Variants in FRAS1 observed in about 807,000 individuals in gnomAD.
FRAS1 encodes Fraser extracellular matrix complex subunit 1, also known as extracellular matrix organizing protein FRAS1.
Under a neutral mutation model 435.2 loss-of-function variants are expected in FRAS1, and 290 were observed. The ratio of observed to expected loss-of-function variants is 0.67; its 90% confidence interval spans 0.61 to 0.73. The LOEUF is 0.73. Among genes scored for constraint, FRAS1 ranks in the 30% least tolerant of loss-of-function variants. The pLI, the probability that FRAS1 is intolerant of heterozygous loss-of-function variation, is 0.00. For synonymous variants in FRAS1, 1,800 were observed against 1,851.0 expected (o/e 0.97, Z 0.71); for missense variants, 4,860 against 5,001.5 (o/e 0.97, Z 0.85).
intron 2 of FRAS1, among the ~76,000 whole-genome samples, chr4:78,143,127 A>G (rs1720262352): frequency 6.6e-6 from 1 of 152,292 alleles, no homozygotes; most frequent in Non-Finnish European, 1.5e-5. Context: ...TATATTAAAA[A>G]TAAGTATTCA....
chr4:78,418,410 G>A (rs1352396159), intron 32 of FRAS1, among the ~76,000 whole-genome samples: 1 of 152,122 alleles, frequency 6.6e-6, no homozygotes, highest in Non-Finnish European at 1.5e-5. Context: ...AGAACTTCTT[G>A]GGGCGGAGAC....
At position 78,057,580 on chromosome 4, in the gene FRAS1, AGCTGCTT is replaced by A; in HGVS notation, c.-429_-423del. The A allele has an allele frequency of 5.8e-6, 1 of 171,694 alleles. No homozygotes were observed. Among genetic ancestry groups the A allele is most frequent in the Non-Finnish European group, 1.2e-5 (1 of 81,228 alleles). 10.6% of individuals were successfully genotyped at this position (171,694 alleles called of 1,614,324 possible). ...GTATGGTGCCAAGCGAACTTTAAAAAGCTGCTTCGGACAAACCAGAGCCAGGATTTCC... is the reference window on the plus strand; with the variant it reads ...GTATGGTGCCAAGCGAACTTTAAAAACGGACAAACCAGAGCCAGGATTTCC... On this transcript the variant is annotated 5_prime_UTR_variant, in exon 1 of 74. An upstream open reading frame in the 5' UTR loses its in-frame stop. Coordinates refer to ENST00000512123, the MANE Select transcript of FRAS1 (RefSeq NM_025074.7). The surrounding 1 kb of genome is among the most constrained non-coding windows in gnomAD (Gnocchi z 4.2).
At chr4:78,208,320 C>T (rs1020532060) in intron 2 of FRAS1, among the ~76,000 whole-genome samples, 44 of 152,300 alleles carry the variant, frequency 2.9e-4, no homozygotes, top group African/African-American at 1.0e-3. Context: ...GATCTTCCCT[C>T]TGACATAGCC....
At chr4:78,141,598 A>T (rs577650619) in intron 2 of FRAS1, among the ~76,000 whole-genome samples, 1 of 152,306 alleles carries the variant, frequency 6.6e-6, no homozygotes, top group South Asian at 2.1e-4. Flanking sequence ...AGGCTCAGAA[A>T]CTGAGCATAG....
chr4:78,295,727 T>C (rs1728114847), intron 14 of FRAS1, among the ~76,000 whole-genome samples: 1 of 152,036 alleles, frequency 6.6e-6, no homozygotes, highest in African/African-American at 2.4e-5. Flanking sequence ...TTGTTTTGTA[T>C]GCCTGAGTAG....
At position 78,507,588 on chromosome 4, in the gene FRAS1, A is replaced by T. The variant is rs1364375546; in HGVS notation, c.9484A>T (p.Ile3162Leu). 17 of 1,601,360 alleles carry T rather than the reference A, an allele frequency of 1.1e-5. No homozygotes were observed. Among genetic ancestry groups the T allele is most frequent in the Non-Finnish European group, 1.4e-5 (17 of 1,175,740 alleles). Residue 3162 changes from isoleucine (I) to leucine (L), a missense_variant, in exon 62 of 74, where the codon ATA becomes TTA. Ile to Leu is a conservative substitution (Grantham distance 5). Coordinates refer to ENST00000512123, the MANE Select transcript of FRAS1 (RefSeq NM_025074.7). ...ILDQEAAGSLILPAPPIVVTL... is the reference protein window; with the variant it reads ...ILDQEAAGSLLLPAPPIVVTL... ...AGACCAGGAGGCAGCAGGGAGCCTC[A>T]TATTGCCAGCACCACCCATTGTGAG...
chr4:78,279,358 G>A (rs1389551390), intron 10 of FRAS1, among the ~76,000 whole-genome samples: 1 of 152,226 alleles, frequency 6.6e-6, no homozygotes, highest in Non-Finnish European at 1.5e-5. Flanking sequence ...GAGCTGCTGG[G>A]GAGTTTTGAG....
At chr4:78,088,429 G>C (rs1430514788) in intron 2 of FRAS1, among the ~76,000 whole-genome samples, 5 of 150,966 alleles carry the variant, frequency 3.3e-5, no homozygotes, top group African/African-American at 1.2e-4. Context: ...TTGACAAATG[G>C]GATCTAATTA....
chr4:78,069,897 G>T (rs565362279), intron 2 of FRAS1, among the ~76,000 whole-genome samples: 2 of 151,938 alleles, frequency 1.3e-5, no homozygotes, highest in Non-Finnish European at 2.9e-5. Context: ...GTTCAAACCT[G>T]GTTCTTATTC....
At chr4:78,368,376 A>G (rs1731362865) in intron 22 of FRAS1, among the ~76,000 whole-genome samples, 1 of 151,078 alleles carries the variant, frequency 6.6e-6, no homozygotes, top group Non-Finnish European at 1.5e-5. Context: ...ACTGTGCCAT[A>G]TACTTTGATA....
At chr4:78,466,068 G>A (rs1394566707) in intron 49 of FRAS1, 140 bp from the exon 50 acceptor site, 1 of 633,692 alleles carries the variant, frequency 1.6e-6, no homozygotes, top group Non-Finnish European at 2.8e-6. Context: ...CTCTATCTTT[G>A]GTGTCTATAA....
At chr4:78,073,341 A>G (rs1216311262) in intron 2 of FRAS1, among the ~76,000 whole-genome samples, 1 of 152,174 alleles carries the variant, frequency 6.6e-6, no homozygotes, top group Non-Finnish European at 1.5e-5. Context: ...TTTTAAGTTA[A>G]CAAACACATT....
chr4:78,285,341 C>T (rs1242688329), intron 13 of FRAS1, among the ~76,000 whole-genome samples: 1 of 147,618 alleles, frequency 6.8e-6, no homozygotes, highest in Non-Finnish European at 1.5e-5. Context: ...GCCTGGGTAA[C>T]ATAGTGAGAC....
At chr4:78,187,898 T>C (rs1722342378) in intron 2 of FRAS1, among the ~76,000 whole-genome samples, 1 of 152,194 alleles carries the variant, frequency 6.6e-6, no homozygotes, top group Non-Finnish European at 1.5e-5. Context: ...CCACCACGCC[T>C]GGCTCCTGTT....
chr4:78,105,588 TG>T (rs1262293804), intron 2 of FRAS1, among the ~76,000 whole-genome samples: 1 of 152,154 alleles, frequency 6.6e-6, no homozygotes, highest in Non-Finnish European at 1.5e-5. Context: ...TGACAAGAGA[TG>T]GGGGAGAGGA....
intron 3 of FRAS1, among the ~76,000 whole-genome samples, chr4:78,239,240 A>G (rs1724898386): frequency 6.6e-6 from 1 of 152,006 alleles, no homozygotes; most frequent in African/African-American, 2.4e-5. Flanking sequence ...TGGCAACCCC[A>G]TTCTCCCAGT....
At chr4:78,259,365 C>G (rs1236518701) in intron 6 of FRAS1, among the ~76,000 whole-genome samples, 1 of 135,878 alleles carries the variant, frequency 7.4e-6, no homozygotes, top group Non-Finnish European at 1.6e-5. Flanking sequence ...CTCTCCAGCA[C>G]CTGTTGTTTC....
intron 2 of FRAS1, among the ~76,000 whole-genome samples, chr4:78,174,147 G>T (rs750990929): frequency 5.3e-5 from 8 of 152,106 alleles, no homozygotes; most frequent in African/African-American, 1.9e-4. Context: ...CTCTGAATGA[G>T]CCTCATGTTT....
chr4:78,161,742 C>CA (rs71214399), intron 2 of FRAS1, among the ~76,000 whole-genome samples: 531 of 24,912 alleles, frequency 0.021, 75 homozygotes, highest in Middle Eastern at 0.038. Context: ...AACTCTGTCT[C>CA]AAAAAAAAAA....
Sources: gnomAD v4.1 joint callset for allele counts (sites outside exome capture counted in the v4.1 genomes callset) on GRCh38, gnomAD v4.1.1 for gene constraint, Gnocchi (gnomAD v3.1) non-coding constraint, MANE v1.5 for transcripts, NCBI Gene and HGNC (gene_info 2026-07-23, HGNC 2026-07-21) for gene names.